SPATA13: variants seen among roughly 807,000 people sequenced by gnomAD.
SPATA13 encodes spermatogenesis-associated protein 13.
A neutral mutation model predicts 104.0 loss-of-function variants in SPATA13; 50 were observed. The ratio of observed to expected loss-of-function variants is 0.48; its 90% CI spans 0.38 to 0.61. The LOEUF (loss-of-function observed/expected upper bound fraction) is 0.61, where lower values mean the gene tolerates loss of function less well. SPATA13 is among the 20% of genes least tolerant of loss of function. SPATA13 has a pLI of 0.00. For synonymous variants in SPATA13, 606 were observed against 667.5 expected, an observed-to-expected ratio of 0.91 and a Z score of 1.42; for missense variants, 1,524 against 1,690.6, an observed-to-expected ratio of 0.90 and a Z score of 1.73.
At chr13:24,026,098 A>G (rs983799755) in intron 3 of SPATA13, among the ~76,000 whole-genome samples, 10 of 152,254 alleles carry the variant, frequency 6.6e-5, no homozygotes, top group African/African-American at 1.4e-4. Context: ...GCTAGTTCAT[A>G]TATCTTGGCT....
chr13:24,212,978 G>A (rs937085218), intron 1 of SPATA13, among the ~76,000 whole-genome samples: 8 of 152,386 alleles, frequency 5.2e-5, no homozygotes, highest in Admixed American at 1.3e-4. Context: ...ACCTTGGAGC[G>A]GGTCTGACCT....
chr13:24,114,644 T>TG (rs1880773581), intron 3 of SPATA13, among the ~76,000 whole-genome samples: 1 of 151,910 alleles, frequency 6.6e-6, no homozygotes, highest in Admixed American at 6.6e-5. Flanking sequence ...TAGTTTTTTT[T>TG]TTGTTGTTGT....
At chr13:24,030,995 C>T (rs1877455718) in intron 3 of SPATA13, among the ~76,000 whole-genome samples, 1 of 152,220 alleles carries the variant, frequency 6.6e-6, no homozygotes, top group African/African-American at 2.4e-5. Context: ...CCGTTCAATT[C>T]TAGCTCTTCT....
chr13:23,993,163 T>G (rs1292135385), intron 2 of SPATA13, among the ~76,000 whole-genome samples: 1 of 152,182 alleles, frequency 6.6e-6, no homozygotes, highest in African/African-American at 2.4e-5. Context: ...GTGGACAGAG[T>G]GTCCCAAGGC....
chr13:24,271,587 C>G (rs541646560), intron 4 of SPATA13, among the ~76,000 whole-genome samples: 1 of 152,168 alleles, frequency 6.6e-6, no homozygotes, highest in Non-Finnish European at 1.5e-5. Context: ...ACTTTGTACT[C>G]TCACACTAGG....
chr13:24,109,393 A>G (rs1156886653), intron 3 of SPATA13, among the ~76,000 whole-genome samples: 1 of 152,114 alleles, frequency 6.6e-6, no homozygotes, highest in African/African-American at 2.4e-5. Flanking sequence ...AGTCTTTACT[A>G]TGGTGAATAG....
At chr13:24,058,892 C>T (rs566234382) in intron 3 of SPATA13, among the ~76,000 whole-genome samples, 3 of 151,818 alleles carry the variant, frequency 2.0e-5, no homozygotes, top group East Asian at 3.9e-4. Context: ...ATTTGTTTAC[C>T]CCAGTAATGA....
At chr13:24,236,605 A>T (rs1593448172) in intron 2 of SPATA13, among the ~76,000 whole-genome samples, 1 of 152,138 alleles carries the variant, frequency 6.6e-6, no homozygotes, top group East Asian at 1.9e-4. Flanking sequence ...CAAAAAAAAA[A>T]AAAAAAAAAG....
In SPATA13 at chr13:24,059,142, T is replaced by C. The variant is rs373344938; in HGVS notation, c.-112+41441T>C. Among the ~76,000 whole-genome samples the C allele has an allele frequency of 7.9e-5, 12 of 151,664 alleles. 1 individual carries two copies. Among genetic ancestry groups the C allele is most frequent in the Admixed American group, 4.6e-4 (7 of 15,200 alleles). ...GCCCACCACCATGTCCTGCTAATTT[T>C]TTGTATTTTTAGTAGAGACGGGGTT... On this transcript the variant is annotated intron_variant, in intron 3 of 14. Coordinates refer to the SPATA13 transcript ENST00000424834.
At chr13:24,233,483 G>C (rs1276643061) in intron 2 of SPATA13, among the ~76,000 whole-genome samples, 2 of 152,052 alleles carry the variant, frequency 1.3e-5, no homozygotes, top group Non-Finnish European at 2.9e-5. Flanking sequence ...TTTTTAGCTT[G>C]TTTTTGTTTC....
intron 2 of SPATA13, among the ~76,000 whole-genome samples, chr13:24,006,219 A>C (rs1053759636): frequency 5.3e-5 from 8 of 152,192 alleles, no homozygotes; most frequent in African/African-American, 1.9e-4. Context: ...AGTGTTCATT[A>C]GTGGTTTTTT....
chr13:24,001,524 A>T (rs1232012247), intron 2 of SPATA13, among the ~76,000 whole-genome samples: 1 of 151,950 alleles, frequency 6.6e-6, no homozygotes. Context: ...GGGGAAAGGC[A>T]GGAGGGTGGC....
chr13:24,119,187 G>A lies in SPATA13; in HGVS notation c.-112+101486G>A, dbSNP rs896669443. Among the ~76,000 whole-genome samples, 7 of 152,202 alleles carry A rather than the reference G, an allele frequency of 4.6e-5. No homozygotes were observed. The South Asian group carries it at 6.2e-4, about 14-fold the overall frequency. ...CTCCCAAAGAGCTGGGATTACAGGCGTGAGCCACCGCGCCCGGCTGACACT... is the reference window on the plus strand; with the variant it reads ...CTCCCAAAGAGCTGGGATTACAGGCATGAGCCACCGCGCCCGGCTGACACT... On this transcript the variant is annotated intron_variant, in intron 3 of 14. Transcript: ENST00000424834.
chr13:24,072,039 A>T (rs1879179629), intron 3 of SPATA13, among the ~76,000 whole-genome samples: 1 of 152,150 alleles, frequency 6.6e-6, no homozygotes, highest in African/African-American at 2.4e-5. Flanking sequence ...ATTTTTGTAG[A>T]AGATAAAAGA....
intron 3 of SPATA13, among the ~76,000 whole-genome samples, chr13:24,129,165 A>G (rs1881316118): frequency 6.6e-6 from 1 of 152,224 alleles, no homozygotes; most frequent in Admixed American, 6.5e-5. Flanking sequence ...GTGTGGGCTG[A>G]AAAAAGGAAC....
At chr13:24,288,847 G>T (rs1172305572) in intron 7 of SPATA13, 152 bp from the exon 8 acceptor site, 5 of 557,762 alleles carry the variant, frequency 9.0e-6, no homozygotes, top group Non-Finnish European at 1.5e-5. Context: ...GCAAATTGCA[G>T]TCATGGAAGT....
chr13:24,112,684 G>A (rs1880684652), intron 3 of SPATA13, among the ~76,000 whole-genome samples: 1 of 152,188 alleles, frequency 6.6e-6, no homozygotes, highest in Admixed American at 6.5e-5. Flanking sequence ...AACAGGAGGT[G>A]CTGATGTCTC....
intron 11 of SPATA13, among the ~76,000 whole-genome samples, chr13:24,300,070 T>C (rs1877076774): frequency 6.6e-6 from 1 of 152,212 alleles, no homozygotes; most frequent in South Asian, 2.1e-4. Flanking sequence ...TTCTGGGGCC[T>C]CATCCTTTAG....
chr13:24,198,194 T>C (rs144877512), intron 1 of SPATA13, among the ~76,000 whole-genome samples: 7,116 of 152,184 alleles, frequency 0.047, 226 homozygotes, highest in Middle Eastern at 0.071. Context: ...GGGGTTTCAC[T>C]GTGTTGGCCA....
Sources: gnomAD v4.1 joint callset for allele counts (sites outside exome capture counted in the v4.1 genomes callset) on GRCh38, gnomAD v4.1.1 for gene constraint, MANE v1.5 for transcripts, NCBI Gene and HGNC (gene_info 2026-07-23, HGNC 2026-07-21) for gene names.